The following ACCSL variants were observed in gnomAD, a reference collection of about 807,000 sequenced individuals.
The protein encoded by ACCSL is 1-aminocyclopropane-1-carboxylate synthase homolog (inactive) like, also known as probable inactive 1-aminocyclopropane-1-carboxylate synthase-like protein 2.
A neutral mutation model predicts 61.7 loss-of-function variants in ACCSL; 55 were observed. That is an observed-to-expected ratio of 0.89 (90% CI 0.72 to 1.12). The LOEUF is 1.12. Ranked by LOEUF, ACCSL falls within the 50% of genes most tolerant of loss-of-function variation. The pLI is 0.00. For missense variants in ACCSL, 632 were observed against 698.0 expected, an observed-to-expected ratio of 0.91 and a Z score of 1.07; for synonymous variants, 258 against 264.3, an observed-to-expected ratio of 0.98 and a Z score of 0.23.
At chr11:43,978,003 C>CTTT in the ACCSL span, among the ~76,000 whole-genome samples, 427 of 97,642 alleles carry the variant, frequency 4.4e-3, 1 homozygote, top group African/African-American at 0.011. Context: ...CTAGGAAGCT[C>CTTT]TTTTTTTTTT....
the ACCSL span, chr11:43,995,232 G>C: frequency 6.6e-6 from 1 of 152,196 alleles, no homozygotes; most frequent in South Asian, 2.1e-4. Flanking sequence ...GCACAGGAAG[G>C]TTGGGTGACC....
At chr11:44,053,374 T>C in intron 7 of ACCSL, 32 bp from the exon 8 acceptor site, 1 of 1,598,174 alleles carries the variant, frequency 6.3e-7, no homozygotes, top group Non-Finnish European at 8.6e-7. Context: ...TAAGGACTTG[T>C]ATTCACTCAG....
At chr11:44,010,829 C>T in the ACCSL span, among the ~76,000 whole-genome samples, 6 of 152,250 alleles carry the variant, frequency 3.9e-5, no homozygotes, top group South Asian at 4.1e-4. Context: ...ATAACTGAGT[C>T]GGGTCTTGCT....
At chr11:44,020,250 A>G in the ACCSL span, among the ~76,000 whole-genome samples, 2 of 152,122 alleles carry the variant, frequency 1.3e-5, no homozygotes, top group African/African-American at 4.8e-5. Flanking sequence ...GCTTTTCTAT[A>G]TATAAGATCA....
chr11:43,995,870 A>G, the ACCSL span, among the ~76,000 whole-genome samples: 1 of 152,214 alleles, frequency 6.6e-6, no homozygotes, highest in Non-Finnish European at 1.5e-5. Flanking sequence ...TCTGAAAGAT[A>G]TGGAAGTCCT....
chr11:43,963,280 T>C, the ACCSL span, among the ~76,000 whole-genome samples: 1 of 152,126 alleles, frequency 6.6e-6, no homozygotes, highest in South Asian at 2.1e-4. Context: ...TAAAATCTGT[T>C]CTCTCCCTTT....
the ACCSL span, among the ~76,000 whole-genome samples, chr11:43,992,968 A>G: frequency 6.6e-6 from 1 of 152,194 alleles, no homozygotes; most frequent in African/African-American, 2.4e-5. Context: ...ATCCACATCC[A>G]GCTGGCAGAA....
At chr11:44,020,699 G>A in the ACCSL span, among the ~76,000 whole-genome samples, 1 of 151,966 alleles carries the variant, frequency 6.6e-6, no homozygotes, top group Non-Finnish European at 1.5e-5. Context: ...TTCTTTAGTG[G>A]TGATTTCTGA....
At chr11:44,016,456 G>A in the ACCSL span, among the ~76,000 whole-genome samples, 12 of 152,282 alleles carry the variant, frequency 7.9e-5, no homozygotes, top group South Asian at 2.1e-3. Context: ...ACTACAACAG[G>A]ATTGGAAAGG....
chr11:43,925,306 T>G, the ACCSL span: 1 of 452,520 alleles, frequency 2.2e-6, no homozygotes, highest in Non-Finnish European at 4.5e-6. Context: ...CAGTGTTCTT[T>G]CTGCCACTCT....
chr11:43,998,505 G>T, the ACCSL span, among the ~76,000 whole-genome samples: 2 of 152,118 alleles, frequency 1.3e-5, no homozygotes, highest in African/African-American at 4.8e-5. Context: ...GCCTTGAGGG[G>T]CCCTGGTCTC....
chr11:43,958,931 A>T, the ACCSL span, among the ~76,000 whole-genome samples: 1 of 152,130 alleles, frequency 6.6e-6, no homozygotes, highest in Non-Finnish European at 1.5e-5. Context: ...TCTGCTTCCA[A>T]GATGGCGTCC....
At chr11:43,967,069 T>C in the ACCSL span, among the ~76,000 whole-genome samples, 2 of 152,004 alleles carry the variant, frequency 1.3e-5, no homozygotes, top group African/African-American at 2.4e-5. Context: ...ATTTCCATTA[T>C]AGTGCTAAGT....
At chr11:43,944,078 C>G in the ACCSL span, 1 of 355,954 alleles carries the variant, frequency 2.8e-6, no homozygotes, top group Non-Finnish European at 5.5e-6. Context: ...TGGATCCACC[C>G]CCGGTCCAGT....
chr11:44,058,076 G>A (rs1319585020), intron 11 of ACCSL, among the ~76,000 whole-genome samples: 4 of 152,236 alleles, frequency 2.6e-5, no homozygotes, highest in Admixed American at 2.6e-4. Context: ...GGAAGGCTGA[G>A]ACATGAGAAT....
At chr11:44,011,795 C>CGT in the ACCSL span, among the ~76,000 whole-genome samples, 20 of 150,970 alleles carry the variant, frequency 1.3e-4, no homozygotes, top group East Asian at 5.8e-4. Context: ...TGTGTGGGGG[C>CGT]GTGTGTGTGT....
chr11:43,955,989 T>C, the ACCSL span, among the ~76,000 whole-genome samples: 1 of 150,228 alleles, frequency 6.7e-6, no homozygotes, highest in Non-Finnish European at 1.5e-5. Flanking sequence ...TTTAAAGGAG[T>C]TTAATTGAGC....
chr11:44,003,294 C>T, the ACCSL span, among the ~76,000 whole-genome samples: 1 of 152,106 alleles, frequency 6.6e-6, no homozygotes, highest in Non-Finnish European at 1.5e-5. Flanking sequence ...TTTATTGTGG[C>T]CAAATGCACA....
At chr11:43,977,415 A>G in the ACCSL span, among the ~76,000 whole-genome samples, 5 of 142,310 alleles carry the variant, frequency 3.5e-5, no homozygotes, top group East Asian at 9.7e-4. Context: ...AAGAGATGGC[A>G]TGGTGAGAAA....
Sources: gnomAD v4.1 joint callset for allele counts (sites outside exome capture counted in the v4.1 genomes callset) on GRCh38, gnomAD v4.1.1 for gene constraint, MANE v1.5 for transcripts, NCBI Gene and HGNC (gene_info 2026-07-23, HGNC 2026-07-21) for gene names.